Variants in MFSD1 observed in about 807,000 individuals in gnomAD.
The protein encoded by MFSD1 is lysosomal dipeptide transporter MFSD1.
A neutral mutation model predicts 67.1 loss-of-function variants in MFSD1; 59 were observed. The observed-to-expected ratio is 0.88, with a 90% CI of 0.71 to 1.09. The LOEUF is 1.09. MFSD1 is among the 50% of genes least tolerant of loss of function. The pLI is 0.00. For missense variants in MFSD1, 552 were observed against 566.1 expected, an observed-to-expected ratio of 0.97 and a Z score of 0.25; for synonymous variants, 213 against 200.3, an observed-to-expected ratio of 1.06 and a Z score of -0.54.
intron 7 of MFSD1, among the ~76,000 whole-genome samples, chr3:158,815,672 CTTTAAG>C (rs1730289448): frequency 6.7e-6 from 1 of 149,160 alleles, no homozygotes; most frequent in Non-Finnish European, 1.5e-5. Flanking sequence ...TATTATTATA[CTTTAAG>C]TTTTAGGGTA....
At chr3:158,809,416 C>A in intron 6 of MFSD1, 129 bp downstream of exon 6, 1 of 597,808 alleles carries the variant, frequency 1.7e-6, no homozygotes, top group Non-Finnish European at 2.9e-6. Context: ...ATGGATTTCT[C>A]TAGAACACAG....
At chr3:158,828,069 A>G (rs1731106255) in intron 15 of MFSD1, among the ~76,000 whole-genome samples, 1 of 151,988 alleles carries the variant, frequency 6.6e-6, no homozygotes, top group African/African-American at 2.4e-5. Context: ...ATTCTCTCAG[A>G]TATTTTCTTT....
rs1037103323 is a variant in MFSD1 at position 158,827,267 on chromosome 3, A to G, written c.1337-13A>G. Reference sequence around the variant, plus strand: ...ACTTATATGGAAAAGATCTATGTTTATTTGTGTTTTAGGTGGGAACCTAAA... The same window carrying G: ...ACTTATATGGAAAAGATCTATGTTTGTTTGTGTTTTAGGTGGGAACCTAAA... On this transcript the variant is annotated splice_polypyrimidine_tract_variant and intron_variant, in intron 14 of 15. Transcript: ENST00000415822. 8.6e-6 allele frequency: 13 copies of G among 1,519,176 alleles called. No individual in the cohort carries two copies. The highest frequency in any genetic ancestry group is 1.2e-5 in the Non-Finnish European group (13 of 1,122,644). The allele number at this position is 1,519,176 out of a possible 1,614,324, so 94.1% of individuals were successfully genotyped here.
chr3:158,827,447 G>A, intron 15 of MFSD1, 110 bp downstream of exon 15: 1 of 562,796 alleles, frequency 1.8e-6, no homozygotes, highest in South Asian at 2.6e-5. Context: ...TGATTCCCAT[G>A]CTTGTCGTCC....
chr3:158,820,086 A>G, intron 8 of MFSD1, 129 bp from the exon 9 acceptor site: 1 of 590,844 alleles, frequency 1.7e-6, no homozygotes. Context: ...GTAATTTACT[A>G]GAAAAGTATT....
intron 7 of MFSD1, among the ~76,000 whole-genome samples, chr3:158,817,877 C>T (rs1258178535): frequency 6.6e-6 from 1 of 152,186 alleles, no homozygotes; most frequent in Admixed American, 6.5e-5. Context: ...ACCTCCTGTT[C>T]AATTTCTTTT....
In MFSD1 at chr3:158,802,402, C is replaced by T. The variant is rs562165907; in HGVS notation, c.163+87C>T. 11 of 1,462,436 alleles carry T rather than the reference C, an allele frequency of 7.5e-6. No individual in the cohort carries two copies. In the African/African-American group the frequency reaches 1.2e-4, roughly 17 times the overall value. 90.6% of individuals were successfully genotyped at this position (1,462,436 alleles called of 1,614,324 possible). A position where few individuals can be genotyped will look rare whatever the true frequency, so the allele number is the denominator to read the frequency against. ...AGATCGTCATCGTGGTCACTGGTGC[C>T]ACGGGGCCTCAGCGCAGCTTCTGTC... On this transcript the variant is annotated intron_variant, in intron 1 of 15. Transcript: ENST00000415822.
intron 1 of MFSD1, among the ~76,000 whole-genome samples, chr3:158,803,723 G>C (rs1388912270): frequency 2.0e-5 from 3 of 152,138 alleles, no homozygotes; most frequent in Non-Finnish European, 2.9e-5. Context: ...TGCATGGTCA[G>C]ATCTCTCCCT....
chr3:158,802,065 C>T lies in MFSD1; in HGVS notation c.-88C>T, dbSNP rs767050065. The T allele has an allele frequency of 3.9e-6, 6 of 1,554,872 alleles. No individual in the cohort carries two copies. The highest frequency in any genetic ancestry group is 2.0e-4 in the Middle Eastern group (1 of 4,946). ...ACGTGAGCTCCCGGAGTCATGTGACCGCCGTCTTGACAGTGTTCCACGGGC... is the reference window on the plus strand; with the variant it reads ...ACGTGAGCTCCCGGAGTCATGTGACTGCCGTCTTGACAGTGTTCCACGGGC... On this transcript the variant is annotated 5_prime_UTR_variant, in exon 1 of 16. Coordinates refer to ENST00000415822, the MANE Select transcript of MFSD1 (RefSeq NM_022736.4).
intron 14 of MFSD1, among the ~76,000 whole-genome samples, chr3:158,826,326 A>G (rs1439797809): frequency 6.6e-6 from 1 of 152,158 alleles, no homozygotes; most frequent in African/African-American, 2.4e-5. Context: ...ATATTAACAT[A>G]AAGAAATATA....
chr3:158,828,871 A>C (rs1731145124), intron 15 of MFSD1, 108 bp from the exon 16 acceptor site: 2 of 1,035,280 alleles, frequency 1.9e-6, no homozygotes, highest in Admixed American at 2.8e-5. Flanking sequence ...TGTGTAGCTT[A>C]GTATTTGCTA....
At chr3:158,825,934 C>A in intron 13 of MFSD1, 81 bp from the exon 14 acceptor site, 1 of 1,089,762 alleles carries the variant, frequency 9.2e-7, no homozygotes, top group Non-Finnish European at 1.4e-6. Context: ...TGTGTCTAAG[C>A]TTTGCTTTGT....
intron 11 of MFSD1, 120 bp from the exon 12 acceptor site, chr3:158,823,308 A>T: frequency 1.4e-6 from 1 of 721,676 alleles, no homozygotes; most frequent in Non-Finnish European, 2.5e-6. Flanking sequence ...CCTAATAACA[A>T]CAAAATTTGC....
intron 15 of MFSD1, among the ~76,000 whole-genome samples, 186 bp from the exon 16 acceptor site, chr3:158,828,793 A>C (rs6774311): frequency 1.3e-5 from 2 of 152,328 alleles, no homozygotes; most frequent in South Asian, 4.1e-4. Context: ...ATATTTTTCA[A>C]ATTTTCTACA....
chr3:158,809,364 G>T (rs948201786), intron 6 of MFSD1, 77 bp downstream of exon 6: 1 of 948,930 alleles, frequency 1.1e-6, no homozygotes, highest in Non-Finnish European at 1.6e-6. Flanking sequence ...AAAATCACAG[G>T]ATGAAATGTA....
intron 7 of MFSD1, among the ~76,000 whole-genome samples, chr3:158,814,948 G>A (rs774995059): frequency 2.0e-4 from 31 of 152,076 alleles, no homozygotes; most frequent in Non-Finnish European, 1.8e-4. Flanking sequence ...TGGGCGTGGT[G>A]GCACATGCCT....
chr3:158,807,135 A>G, intron 4 of MFSD1, 53 bp downstream of exon 4: 2 of 1,494,586 alleles, frequency 1.3e-6, no homozygotes, highest in Non-Finnish European at 1.9e-6. Context: ...CTAAATTCTT[A>G]TCTAATTAAT....
chr3:158,803,429 A>T (rs12638831), intron 1 of MFSD1, among the ~76,000 whole-genome samples: 4 of 151,750 alleles, frequency 2.6e-5, no homozygotes, highest in African/African-American at 9.7e-5. Context: ...TCCTTAAAAG[A>T]GATTAAAGCA....
At chr3:158,822,707 C>T (rs1264036490) in intron 11 of MFSD1, 1 of 153,844 alleles carries the variant, frequency 6.5e-6, no homozygotes, top group Non-Finnish European at 1.4e-5. Flanking sequence ...TCAACAGATA[C>T]AGTACAGACT....
Sources: allele counts gnomAD v4.1 joint callset (sites outside exome capture counted in the v4.1 genomes callset), GRCh38; gene constraint gnomAD v4.1.1; transcripts MANE v1.5; gene names NCBI Gene and HGNC (gene_info 2026-07-23, HGNC 2026-07-21).